The following ZNF69 variants were observed in gnomAD, a reference collection of about 807,000 sequenced individuals.
ZNF69 encodes the protein ZNF3.
In ZNF69, 47 loss-of-function variants were observed where a neutral mutation model predicts 50.9. The observed-to-expected ratio is 0.92, with a 90% confidence interval of 0.73 to 1.18. The LOEUF is 1.18. Ranked by LOEUF, ZNF69 falls within the 50% of genes most tolerant of loss-of-function variation. The pLI is 0.00. For missense variants in ZNF69, 717 were observed against 675.1 expected, an observed-to-expected ratio of 1.06 and a Z score of -0.69; for synonymous variants, 216 against 223.1, an observed-to-expected ratio of 0.97 and a Z score of 0.29.
chr19:11,953,904 ACT>A, the ZNF69 span, among the ~76,000 whole-genome samples: 1 of 148,782 alleles, frequency 6.7e-6, no homozygotes, highest in South Asian at 2.1e-4. Flanking sequence ...TTTTAATATT[ACT>A]CTGTGTTGAT....
downstream of ZNF69, among the ~76,000 whole-genome samples, chr19:11,917,334 T>C (rs537325396): frequency 2.2e-4 from 33 of 152,336 alleles, 1 homozygote; most frequent in African/African-American, 5.3e-4. Context: ...ATTGAGACCC[T>C]GGTGGAAGGA....
chr19:11,979,107 T>C, the ZNF69 span: 1 of 1,613,818 alleles, frequency 6.2e-7, no homozygotes, highest in Non-Finnish European at 8.5e-7. Context: ...AAAGACCTTA[T>C]AAATGTTAGA....
chr19:11,893,115 AT>A (rs1452531546), intron 1 of ZNF69, among the ~76,000 whole-genome samples: 2 of 152,220 alleles, frequency 1.3e-5, no homozygotes, highest in Non-Finnish European at 2.9e-5. Flanking sequence ...GATTACAGGT[AT>A]AAGCCAGCTT....
the ZNF69 span, among the ~76,000 whole-genome samples, chr19:11,932,739 G>T: frequency 3.5e-5 from 5 of 143,622 alleles, no homozygotes; most frequent in East Asian, 9.8e-4. Flanking sequence ...CCGGGTTCAC[G>T]CCATTCTCCT....
chr19:11,942,297 A>G, the ZNF69 span, among the ~76,000 whole-genome samples: 1 of 151,682 alleles, frequency 6.6e-6, no homozygotes, highest in East Asian at 1.9e-4. Context: ...CAAAGATTAC[A>G]CTTTGGGAAC....
At chr19:11,956,369 A>G in the ZNF69 span, 2 of 385,086 alleles carry the variant, frequency 5.2e-6, no homozygotes, top group Non-Finnish European at 4.6e-6. Context: ...ATGTTTATTG[A>G]GTGAAAGGGT....
chr19:11,888,010 G>T (rs1976988517), intron 1 of ZNF69, 24 bp downstream of exon 1: 3 of 1,607,836 alleles, frequency 1.9e-6, no homozygotes, highest in Non-Finnish European at 2.6e-6. Context: ...GCCGGGTGTC[G>T]TGAGACGGGG....
chr19:11,898,739 C>T (rs1972181835), intron 1 of ZNF69, among the ~76,000 whole-genome samples: 1 of 152,118 alleles, frequency 6.6e-6, no homozygotes, highest in Non-Finnish European at 1.5e-5. Flanking sequence ...GAGCCTCATA[C>T]CTGTAATCCT....
At chr19:11,955,919 TC>T in the ZNF69 span, among the ~76,000 whole-genome samples, 1 of 152,182 alleles carries the variant, frequency 6.6e-6, no homozygotes, top group African/African-American at 2.4e-5. Flanking sequence ...AGTAATAATG[TC>T]CACCTTAATA....
the ZNF69 span, among the ~76,000 whole-genome samples, chr19:11,925,662 C>A: frequency 1.3e-5 from 2 of 152,194 alleles, no homozygotes; most frequent in African/African-American, 4.8e-5. Flanking sequence ...CCCACTTTCT[C>A]CTGTTAAAAA....
the ZNF69 span, chr19:11,925,174 C>T: frequency 1.9e-6 from 3 of 1,609,694 alleles, no homozygotes; most frequent in Non-Finnish European, 1.7e-6. Context: ...GGACCTGGTG[C>T]CTGTACCCAG....
At chr19:11,978,338 C>T in the ZNF69 span, 1 of 1,614,156 alleles carries the variant, frequency 6.2e-7, no homozygotes, top group East Asian at 2.2e-5. Context: ...AGTATCAGGA[C>T]TATGCACCAA....
At chr19:11,911,890 A>T (rs1972463593) in intron 4 of ZNF69, among the ~76,000 whole-genome samples, 1 of 152,204 alleles carries the variant, frequency 6.6e-6, no homozygotes, top group African/African-American at 2.4e-5. Context: ...AAAGGCTTTT[A>T]TTCTGCCAAG....
the ZNF69 span, chr19:11,925,219 C>T: frequency 1.2e-6 from 2 of 1,612,714 alleles, no homozygotes; most frequent in Non-Finnish European, 1.7e-6. Context: ...CTATGCCCTG[C>T]TGTAGTCACA....
the ZNF69 span, chr19:11,980,137 A>G: frequency 1.2e-3 from 946 of 787,756 alleles, 2 homozygotes; most frequent in Non-Finnish European, 1.7e-3. Flanking sequence ...CTCACACTGG[A>G]TAGAAACCAA....
downstream of ZNF69, among the ~76,000 whole-genome samples, chr19:11,914,658 A>T (rs373983398): frequency 6.6e-6 from 1 of 152,300 alleles, no homozygotes; most frequent in East Asian, 1.9e-4. Flanking sequence ...TTTCTTTTAT[A>T]TATTATGCAA....
intron 1 of ZNF69, among the ~76,000 whole-genome samples, chr19:11,900,707 A>G (rs1423603495): frequency 6.6e-6 from 1 of 152,056 alleles, no homozygotes; most frequent in East Asian, 1.9e-4. Flanking sequence ...GGAGTTCTTT[A>G]TACCTTTTGG....
the ZNF69 span, among the ~76,000 whole-genome samples, chr19:11,957,267 A>AT: frequency 5.3e-5 from 8 of 150,012 alleles, no homozygotes; most frequent in African/African-American, 1.7e-4. Flanking sequence ...AATTTTTTCT[A>AT]TTTTTTTTAG....
At chr19:11,978,442 C>T in the ZNF69 span, 23 of 1,613,980 alleles carry the variant, frequency 1.4e-5, no homozygotes, top group Non-Finnish European at 1.7e-5. Flanking sequence ...AAACCCTATG[C>T]TTGTAAAGAA....
Sources: gnomAD v4.1 joint callset for allele counts (sites outside exome capture counted in the v4.1 genomes callset) on GRCh38, gnomAD v4.1.1 for gene constraint, MANE v1.5 for transcripts, NCBI Gene and HGNC (gene_info 2026-07-23, HGNC 2026-07-21) for gene names.